The following RBM28 variants were observed in gnomAD, a reference collection of about 807,000 sequenced individuals.
RBM28 encodes RNA binding motif protein 28, also known as RNA-binding protein 28.
In RBM28, 78 loss-of-function variants were observed where a neutral mutation model predicts 98.3. The ratio of observed to expected loss-of-function variants is 0.79; its 90% CI spans 0.66 to 0.96. The LOEUF is 0.96. Among genes scored for constraint, RBM28 ranks in the 40% least tolerant of loss-of-function variants. The pLI, the probability that RBM28 is intolerant of heterozygous loss-of-function variation, is 0.00. For missense variants in RBM28, 838 were observed against 913.0 expected, an observed-to-expected ratio of 0.92 and a Z score of 1.06; for synonymous variants, 306 against 330.9, an observed-to-expected ratio of 0.92 and a Z score of 0.82.
chr7:128,313,693 G>A (rs907824102), intron 17 of RBM28, among the ~76,000 whole-genome samples: 1 of 152,212 alleles, frequency 6.6e-6, no homozygotes, highest in Non-Finnish European at 1.5e-5. Flanking sequence ...GTTGAAGGCT[G>A]GGCCTGGTGG....
rs1795864680 is a variant in RBM28 at position 128,306,186 on chromosome 7, G to A, written c.*4611C>T. 1 of 152,264 alleles carries A rather than the reference G, an allele frequency of 6.6e-6. No individual in the cohort carries two copies. Among genetic ancestry groups the A allele is most frequent in the Non-Finnish European group, 1.5e-5 (1 of 68,090 alleles). The allele number at this position is 152,264 out of a possible 1,614,324, so 9.4% of individuals were successfully genotyped here. ...TTAGAGGAAGGGGTCACAATGCCCT[G>A]GGATGGCTGAGGTCCCCACGGAGAT... On this transcript the variant is annotated 3_prime_UTR_variant, in exon 19 of 19. Coordinates refer to ENST00000223073, the MANE Select transcript of RBM28 (RefSeq NM_018077.3).
Position 128,304,163 on chromosome 7 carries a change from G to A in RBM28, c.*6634C>T, listed in dbSNP as rs1254462894. 6.6e-6 allele frequency: 1 copy of A among 150,538 alleles called. No individual in the cohort carries two copies. Among genetic ancestry groups the A allele is most frequent in the African/African-American group, 2.5e-5 (1 of 40,048 alleles). 9.3% of individuals were successfully genotyped at this position (150,538 alleles called of 1,614,324 possible). On this transcript the variant is annotated 3_prime_UTR_variant, in exon 19 of 19. Transcript: ENST00000223073. Reference sequence around the variant, plus strand: ...TATAAATTTCATTGATAAAAATGATGTGCAGCACATAATTTATAAATAAAA... The same window carrying A: ...TATAAATTTCATTGATAAAAATGATATGCAGCACATAATTTATAAATAAAA...
chr7:128,301,197 T>A lies in RBM28; in HGVS notation c.*9600A>T, dbSNP rs1018011407. On this transcript the variant is annotated 3_prime_UTR_variant, in exon 19 of 19. Transcript: ENST00000223073. ...CTCAGGACACTGGGGACAAAAGACA[T>A]CACAGACCCTATCTCCCGTGCTCTT... 1.3e-5 allele frequency: 2 copies of A among 152,232 alleles called. No homozygotes were observed. Among genetic ancestry groups the A allele is most frequent in the Non-Finnish European group, 2.9e-5 (2 of 68,046 alleles). 9.4% of individuals were successfully genotyped at this position (152,232 alleles called of 1,614,324 possible).
chr7:128,337,111 C>A lies in RBM28; in HGVS notation c.613+20G>T, dbSNP rs766894075. On this transcript the variant is annotated intron_variant, in intron 6 of 18. Transcript: ENST00000223073. ...CAGGTTATACAACGCCCCTACTCAC[C>A]CAACACTACCACATCTTACCTATAG... is the stretch of plus-strand genomic sequence containing the variant. 12 of 1,612,890 alleles carry A rather than the reference C, an allele frequency of 7.4e-6. No homozygotes were observed. Among genetic ancestry groups the A allele is most frequent in the Non-Finnish European group, 1.0e-5 (12 of 1,179,010 alleles).
rs1478525670 is a variant in RBM28, at chr7:128,337,113, A to G, written c.613+18T>C. On this transcript the variant is annotated intron_variant, in intron 6 of 18. Coordinates refer to ENST00000223073, the MANE Select transcript of RBM28 (RefSeq NM_018077.3). ...GGTTATACAACGCCCCTACTCACCC[A>G]ACACTACCACATCTTACCTATAGCA... 1 of 1,613,202 alleles carries G rather than the reference A, an allele frequency of 6.2e-7. No individual in the cohort carries two copies. Among genetic ancestry groups the G allele is most frequent in the Non-Finnish European group, 8.5e-7 (1 of 1,179,306 alleles).
In RBM28 at chr7:128,335,776, A is replaced by C. The variant is rs1384664361; in HGVS notation, c.809+71T>G. ...ATTCTGCAATGATGCAGGCAGAAAA[A>C]GGAGAATTTTTCCTCTCGGAGACAA... On this transcript the variant is annotated intron_variant, in intron 7 of 18. Coordinates refer to ENST00000223073, the MANE Select transcript of RBM28 (RefSeq NM_018077.3). The C allele has an allele frequency of 1.4e-5, 23 of 1,613,568 alleles. No homozygotes were observed. The African/African-American group carries it at 2.3e-4, about 16-fold the overall frequency.
Position 128,325,866 on chromosome 7 carries a change from A to T in RBM28, c.1155T>A (p.Thr385=), listed in dbSNP as rs1343334458. ...GAAGGCATTTCTGAGCTGCTTCTTGAGTCATGAACTGGGCAAATGCACAAC... is the reference window on the plus strand; with the variant it reads ...GAAGGCATTTCTGAGCTGCTTCTTGTGTCATGAACTGGGCAAATGCACAAC... ...SKGCAFAQFM[T]QEAAQKCLLA... Residue 385 remains threonine (T), a synonymous_variant, in exon 11 of 19, where the codon ACT becomes ACA. Transcript: ENST00000223073. The T allele has an allele frequency of 6.2e-7, 1 of 1,613,794 alleles. No individual in the cohort carries two copies. The highest frequency in any genetic ancestry group is 1.7e-5 in the Admixed American group (1 of 60,026).
intron 17 of RBM28, among the ~76,000 whole-genome samples, chr7:128,314,208 C>T (rs942761607): frequency 3.9e-5 from 6 of 152,216 alleles, no homozygotes; most frequent in South Asian, 2.1e-4. Flanking sequence ...GTGATCCACC[C>T]GCCTCGGCCT....
chr7:128,343,808 CA>C lies in RBM28; in HGVS notation c.-16del, dbSNP rs1225317260. The C allele has an allele frequency of 6.4e-7, 1 of 1,569,644 alleles. No homozygotes were observed. Among genetic ancestry groups the C allele is most frequent in the Admixed American group, 1.9e-5 (1 of 53,840 alleles). ...AGGCCGGCCATGAGACCGGGAAACC[CA>C]AAGCGCGTGAGGACGCGAGCAAACT... On this transcript the variant is annotated 5_prime_UTR_variant, in exon 1 of 19. Coordinates refer to ENST00000223073, the MANE Select transcript of RBM28 (RefSeq NM_018077.3).
chr7:128,320,861 T>C (rs570363422), intron 14 of RBM28, among the ~76,000 whole-genome samples: 1 of 152,168 alleles, frequency 6.6e-6, no homozygotes, highest in Non-Finnish European at 1.5e-5. Flanking sequence ...GCTGACAACA[T>C]GTCCAGAAGA....
At chr7:128,343,496 T>C (rs901288959) in intron 1 of RBM28, among the ~76,000 whole-genome samples, 180 bp downstream of exon 1, 1 of 152,212 alleles carries the variant, frequency 6.6e-6, no homozygotes, top group Non-Finnish European at 1.5e-5. Flanking sequence ...AGGGAATGCT[T>C]TGCCCTTCAT....
chr7:128,312,137 G>A (rs1476809577), intron 18 of RBM28, among the ~76,000 whole-genome samples: 1 of 152,190 alleles, frequency 6.6e-6, no homozygotes, highest in Non-Finnish European at 1.5e-5. Flanking sequence ...CTGAACTTGA[G>A]GCCAAGCACG....
chr7:128,313,139 A>C lies in RBM28; in HGVS notation c.2145+36T>G, dbSNP rs1468050519. The C allele has an allele frequency of 2.5e-6, 4 of 1,581,072 alleles. No individual in the cohort carries two copies. In the East Asian group the frequency reaches 8.9e-5, roughly 35 times the overall value. On this transcript the variant is annotated intron_variant, in intron 18 of 18. Transcript: ENST00000223073. The stretch of plus-strand genomic sequence containing the variant: ...AACATGGCTACGACCTGGCAGAACC[A>C]TGCCATACCAAAGCTGTATGTCCTG...
intron 14 of RBM28, among the ~76,000 whole-genome samples, chr7:128,320,215 C>CA (rs1164059031): frequency 7.4e-4 from 38 of 51,136 alleles, no homozygotes; most frequent in African/African-American, 4.2e-3. Context: ...GACTCCGTCT[C>CA]AAAAAAAAAA....
At chr7:128,338,211 G>C (rs886919999) in intron 5 of RBM28, 39 bp downstream of exon 5, 25 of 1,493,064 alleles carry the variant, frequency 1.7e-5, no homozygotes, top group Middle Eastern at 1.7e-4. Flanking sequence ...CAAAACACCA[G>C]AAATATCTGG....
At chr7:128,328,518 A>G (rs1562954955) in intron 10 of RBM28, among the ~76,000 whole-genome samples, 1 of 152,068 alleles carries the variant, frequency 6.6e-6, no homozygotes, top group African/African-American at 2.4e-5. Context: ...AGGACAATAC[A>G]TTTTTTTTAA....
At chr7:128,330,546 T>C (rs1027008523) in intron 10 of RBM28, among the ~76,000 whole-genome samples, 14 of 152,070 alleles carry the variant, frequency 9.2e-5, no homozygotes, top group African/African-American at 3.4e-4. Context: ...TAATTTTTTG[T>C]ATTTTAGTAG....
At chr7:128,330,795 G>A (rs1210117752) in intron 10 of RBM28, 24 bp downstream of exon 10, 2 of 1,558,452 alleles carry the variant, frequency 1.3e-6, no homozygotes, top group Non-Finnish European at 1.8e-6. Flanking sequence ...CCCTTTTAGG[G>A]CCTGGCCAGC....
At position 128,304,476 on chromosome 7, in the gene RBM28, G is replaced by C. The variant is rs1052237849; in HGVS notation, c.*6321C>G. 6.6e-6 allele frequency: 1 copy of C among 152,220 alleles called. No homozygotes were observed. 9.4% of individuals were successfully genotyped at this position (152,220 alleles called of 1,614,324 possible). A position where few individuals can be genotyped will look rare whatever the true frequency, so the allele number is the denominator to read the frequency against. ...ACCCCATTGACAGGCTTGGAGTCTT[G>C]AGTACCATCTGGGTGGGTGGAGCTG... On this transcript the variant is annotated 3_prime_UTR_variant, in exon 19 of 19. Transcript: ENST00000223073.
Sources: allele counts gnomAD v4.1 joint callset (sites outside exome capture counted in the v4.1 genomes callset), GRCh38; gene constraint gnomAD v4.1.1; transcripts MANE v1.5; gene names NCBI Gene and HGNC (gene_info 2026-07-23, HGNC 2026-07-21).